The following PTPRD variants were observed in gnomAD, a reference collection of about 807,000 sequenced individuals.
PTPRD encodes the protein receptor-type tyrosine-protein phosphatase delta.
In PTPRD, 34 loss-of-function variants were observed where a neutral mutation model predicts 214.5. The ratio of observed to expected loss-of-function variants is 0.16; its 90% CI spans 0.12 to 0.21. The LOEUF (loss-of-function observed/expected upper bound fraction) is 0.21, where lower values mean the gene tolerates loss of function less well. Among genes scored for constraint, PTPRD ranks in the 10% least tolerant of loss-of-function variants. PTPRD has a pLI of 1.00. For missense variants in PTPRD, 2,545 were observed against 2,398.7 expected (o/e 1.06, Z -1.27); for synonymous variants, 1,128 against 845.7 (o/e 1.33, Z -5.79).
chr9:8,991,207 A>T (rs928784186), intron 11 of PTPRD, among the ~76,000 whole-genome samples: 9 of 147,654 alleles, frequency 6.1e-5, no homozygotes, highest in African/African-American at 2.3e-4. Context: ...TGACAGAGTG[A>T]CACTCTGTCT....
intron 3 of PTPRD, among the ~76,000 whole-genome samples, chr9:10,304,061 C>T (rs946875971): frequency 6.6e-6 from 1 of 152,156 alleles, no homozygotes; most frequent in African/African-American, 2.4e-5. Flanking sequence ...AACGCTCATC[C>T]ACCACAATCA....
At chr9:8,933,824 A>T (rs932234785) in intron 11 of PTPRD, among the ~76,000 whole-genome samples, 1 of 152,144 alleles carries the variant, frequency 6.6e-6, no homozygotes, top group Non-Finnish European at 1.5e-5. Context: ...ATGATGCAAG[A>T]TTATATCTTA....
At chr9:8,782,471 T>A (rs765417323) in intron 11 of PTPRD, among the ~76,000 whole-genome samples, 1 of 152,212 alleles carries the variant, frequency 6.6e-6, no homozygotes, top group Admixed American at 6.5e-5. Flanking sequence ...TGTAATTTTA[T>A]ATCCTCAATT....
chr9:8,934,006 T>C (rs2098971994), intron 11 of PTPRD, among the ~76,000 whole-genome samples: 2 of 152,050 alleles, frequency 1.3e-5, no homozygotes, highest in South Asian at 4.2e-4. Context: ...AAGATTGGGC[T>C]CTAAAACTTC....
chr9:9,161,856 A>G (rs1399319399), intron 10 of PTPRD, among the ~76,000 whole-genome samples: 1 of 90,834 alleles, frequency 1.1e-5, no homozygotes, highest in Non-Finnish European at 1.9e-5. Flanking sequence ...TAAGCTACAC[A>G]TATATATATA....
At position 9,198,133 on chromosome 9, in the gene PTPRD, T is replaced by C. The variant is rs867797267; in HGVS notation, c.-202-14770A>G. 6.6e-5 allele frequency among the ~76,000 whole-genome samples: 10 copies of C among 152,222 alleles called. No individual in the cohort carries two copies. In the South Asian group the frequency reaches 1.9e-3, roughly 28 times the overall value. On this transcript the variant is annotated intron_variant, in intron 9 of 45. Coordinates refer to ENST00000381196, the MANE Select transcript of PTPRD (RefSeq NM_002839.4). ...ATAATAAAATTTGAGGTTTATATTT[T>C]TTAGTCTTTTAAAAATATCTGGTTG...
intron 43 of PTPRD, among the ~76,000 whole-genome samples, chr9:8,337,860 C>CTGAA (rs919902652): frequency 3.3e-5 from 5 of 150,172 alleles, no homozygotes; most frequent in Admixed American, 6.9e-5. Context: ...GCTTCAAATT[C>CTGAA]TGAAAGAGCA....
intron 6 of PTPRD, among the ~76,000 whole-genome samples, chr9:9,743,761 CACACACACAA>C (rs1225394367): frequency 1.8e-4 from 27 of 147,182 alleles, no homozygotes; most frequent in African/African-American, 3.0e-4. Context: ...CACACACACA[CACACACACAA>C]TTTATACTGA....
intron 14 of PTPRD, among the ~76,000 whole-genome samples, chr9:8,604,532 C>T (rs545105758): frequency 1.3e-5 from 2 of 152,148 alleles, no homozygotes; most frequent in East Asian, 1.9e-4. Context: ...CCTGGCCATA[C>T]TGCCTCAGGG....
At chr9:9,395,888 G>T (rs1259411528) in intron 9 of PTPRD, among the ~76,000 whole-genome samples, 2 of 152,036 alleles carry the variant, frequency 1.3e-5, no homozygotes, top group African/African-American at 4.8e-5. Context: ...AACCATTGTT[G>T]TTGCTTTTTG....
intron 5 of PTPRD, among the ~76,000 whole-genome samples, chr9:9,787,915 G>C (rs1033819562): frequency 9.2e-5 from 14 of 151,756 alleles, no homozygotes; most frequent in African/African-American, 2.9e-4. Flanking sequence ...CTAAGTAGCT[G>C]GGACTACAGG....
At chr9:8,393,131 T>C (rs1053307561) in intron 36 of PTPRD, among the ~76,000 whole-genome samples, 1 of 152,114 alleles carries the variant, frequency 6.6e-6, no homozygotes, top group African/African-American at 2.4e-5. Context: ...TTCTTCCACT[T>C]TTTGGGGGGT....
intron 9 of PTPRD, among the ~76,000 whole-genome samples, chr9:9,326,958 T>C (rs2040208561): frequency 6.6e-6 from 1 of 152,088 alleles, no homozygotes. Flanking sequence ...TCCTAGTCAC[T>C]ATTAGGTTGG....
rs1000947309 is a variant in PTPRD, at chr9:10,358,623, T to C, written c.-599-17606A>G. On this transcript the variant is annotated intron_variant, in intron 2 of 45. Coordinates refer to ENST00000381196, the MANE Select transcript of PTPRD (RefSeq NM_002839.4). ...AAAAATTTAGAGTTAGAAAAAGATA[T>C]CCTGTGTTTAATTTGATTATTATAT... 5.9e-5 allele frequency among the ~76,000 whole-genome samples: 9 copies of C among 151,932 alleles called. No homozygotes were observed. In the East Asian group the frequency reaches 1.5e-3, roughly 26 times the overall value.
intron 9 of PTPRD, among the ~76,000 whole-genome samples, chr9:9,266,883 G>T (rs74727453): frequency 6.6e-6 from 1 of 150,964 alleles, no homozygotes; most frequent in African/African-American, 2.4e-5. Context: ...AACCAGTTTT[G>T]CACTTCAAGG....
chr9:9,506,379 A>T (rs2096571189), intron 8 of PTPRD, among the ~76,000 whole-genome samples: 1 of 151,392 alleles, frequency 6.6e-6, no homozygotes. Flanking sequence ...TAAAAAAAAG[A>T]CTTTCCTAAG....
At chr9:9,963,181 C>G (rs1268836848) in intron 4 of PTPRD, among the ~76,000 whole-genome samples, 1 of 151,860 alleles carries the variant, frequency 6.6e-6, no homozygotes, top group Non-Finnish European at 1.5e-5. Flanking sequence ...ATCCATAATA[C>G]AATACTGAGA....
chr9:8,439,971 G>T (rs2095493066), intron 34 of PTPRD, among the ~76,000 whole-genome samples: 1 of 76,850 alleles, frequency 1.3e-5, no homozygotes, highest in Admixed American at 2.2e-4. Context: ...TTTTTTGCAG[G>T]CTGTACACCA....
chr9:8,681,055 C>G (rs1225771712), intron 12 of PTPRD, among the ~76,000 whole-genome samples: 1 of 152,132 alleles, frequency 6.6e-6, no homozygotes, highest in Non-Finnish European at 1.5e-5. Flanking sequence ...CTTCCTTCAC[C>G]TATCTCCTGA....
Sources: gnomAD v4.1 joint callset for allele counts (sites outside exome capture counted in the v4.1 genomes callset) on GRCh38, gnomAD v4.1.1 for gene constraint, MANE v1.5 for transcripts, NCBI Gene and HGNC (gene_info 2026-07-23, HGNC 2026-07-21) for gene names.